The following SLC12A7 variants were observed in gnomAD, a reference collection of about 807,000 sequenced individuals.
SLC12A7 encodes the protein K-Cl cotransporter 4.
In SLC12A7, 100 loss-of-function variants were observed where a neutral mutation model predicts 120.6. That is an observed-to-expected ratio of 0.83 (90% CI 0.71 to 0.98). SLC12A7 has a LOEUF of 0.98. Among genes scored for constraint, SLC12A7 ranks in the 50% least tolerant of loss-of-function variants. The pLI is 0.00. For missense variants in SLC12A7, 1,373 were observed against 1,548.1 expected, an observed-to-expected ratio of 0.89 and a Z score of 1.90; for synonymous variants, 760 against 678.0, an observed-to-expected ratio of 1.12 and a Z score of -1.88.
At chr5:1,115,515 G>T (rs1047895047), upstream of SLC12A7, among the ~76,000 whole-genome samples, 4 of 152,198 alleles carry the variant, frequency 2.6e-5, no homozygotes, top group Non-Finnish European at 5.9e-5. Context: ...TTAGGGTGGG[G>T]GGCTCATCTC....
At chr5:1,064,714 AGCGAGGAGACGGTGAAGGGACAGCG>A (rs1736739649) in intron 18 of SLC12A7, among the ~76,000 whole-genome samples, 1 of 138,176 alleles carries the variant, frequency 7.2e-6, no homozygotes, top group Admixed American at 7.1e-5. Flanking sequence ...GTGAGGGGAC[AGCGAGGAGACGGTGAAGGGACAGCG>A]AGGGGACGGC....
At chr5:1,077,371 A>G (rs775922397) in intron 12 of SLC12A7, among the ~76,000 whole-genome samples, 3 of 152,196 alleles carry the variant, frequency 2.0e-5, no homozygotes, top group Non-Finnish European at 4.4e-5. Flanking sequence ...AGGAGCCACA[A>G]TCGGCAGCTC....
chr5:1,135,819 G>A, the SLC12A7 span, among the ~76,000 whole-genome samples: 1 of 152,202 alleles, frequency 6.6e-6, no homozygotes, highest in Non-Finnish European at 1.5e-5. Flanking sequence ...TTCACAGCTG[G>A]TGGGTTTTCC....
At chr5:1,108,413 C>T (rs897136553) in intron 1 of SLC12A7, among the ~76,000 whole-genome samples, 14 of 152,220 alleles carry the variant, frequency 9.2e-5, no homozygotes, top group African/African-American at 2.7e-4. Context: ...TCCCTGCCTG[C>T]TCACCACATA....
At chr5:1,096,952 G>C (rs1037368599) in intron 1 of SLC12A7, among the ~76,000 whole-genome samples, 2 of 151,640 alleles carry the variant, frequency 1.3e-5, no homozygotes, top group Non-Finnish European at 2.9e-5. Flanking sequence ...CGAGGGTTTC[G>C]GGTTCTCCCT....
intron 17 of SLC12A7, among the ~76,000 whole-genome samples, chr5:1,069,987 TAA>T (rs1737495708): frequency 7.5e-6 from 1 of 134,204 alleles, no homozygotes; most frequent in South Asian, 2.2e-4. Flanking sequence ...GCATCACACT[TAA>T]CGCAGCCCCC....
intron 19 of SLC12A7, 44 bp from the exon 20 acceptor site, chr5:1,064,019 G>T (rs763752467): frequency 6.2e-7 from 1 of 1,604,674 alleles, no homozygotes; most frequent in Non-Finnish European, 8.5e-7. Flanking sequence ...AGAGGAGCCC[G>T]TCCCGGCCCG....
intron 17 of SLC12A7, among the ~76,000 whole-genome samples, 198 bp from the exon 18 acceptor site, chr5:1,065,676 G>A (rs542662406): frequency 2.0e-5 from 3 of 152,240 alleles, no homozygotes; most frequent in African/African-American, 7.2e-5. Flanking sequence ...CACACACTGG[G>A]GAGAGAGACA....
upstream of SLC12A7, among the ~76,000 whole-genome samples, chr5:1,112,291 C>T (rs1366492032): frequency 1.4e-5 from 2 of 147,876 alleles, no homozygotes; most frequent in African/African-American, 5.0e-5. Flanking sequence ...TCCTGCACCC[C>T]CTCCTGCTCC....
intron 1 of SLC12A7, among the ~76,000 whole-genome samples, chr5:1,109,978 T>C (rs1052951848): frequency 5.3e-5 from 8 of 152,210 alleles, no homozygotes; most frequent in African/African-American, 1.7e-4. Context: ...GGGCTCCGGC[T>C]TCTGCAGGAC....
At chr5:1,085,821 C>T (rs910189197) in intron 6 of SLC12A7, among the ~76,000 whole-genome samples, 6 of 152,196 alleles carry the variant, frequency 3.9e-5, no homozygotes, top group African/African-American at 7.2e-5. Flanking sequence ...CCGGGGCATC[C>T]GCATGTCCGC....
chr5:1,079,438 G>A lies in SLC12A7; in HGVS notation c.1356C>T (p.Pro452=), dbSNP rs1738751750. The A allele has an allele frequency of 2.5e-6, 4 of 1,612,622 alleles. No individual in the cohort carries two copies. Among genetic ancestry groups the A allele is most frequent in the Non-Finnish European group, 3.4e-6 (4 of 1,179,858 alleles). ...TCACTATGGCCAGGATGGTCCCCGTGGGGATGGACTTCTGTGCATCCTTGA... is the reference window on the plus strand; with the variant it reads ...TCACTATGGCCAGGATGGTCCCCGTAGGGATGGACTTCTGTGCATCCTTGA... The part of the protein sequence containing the change: ...GDLKDAQKSI[P]TGTILAIVTT... The change falls in exon 10 of 24, where the codon CCC becomes CCT. Residue 452 remains proline, a synonymous_variant. Transcript: ENST00000264930.
At chr5:1,145,816 C>T in the SLC12A7 span, among the ~76,000 whole-genome samples, 2 of 152,006 alleles carry the variant, frequency 1.3e-5, no homozygotes, top group African/African-American at 2.4e-5. The surrounding 1 kb of genome is among the most constrained non-coding windows in gnomAD (Gnocchi z 4.4). Context: ...TCTCTAGGCC[C>T]CTACTGTCTG....
rs1360448440 is a variant in SLC12A7, at chr5:1,057,665, C to G, written c.2848-16G>C. 1.3e-6 allele frequency: 2 copies of G among 1,588,102 alleles called. No individual in the cohort carries two copies. The highest frequency in any genetic ancestry group is 1.7e-6 in the Non-Finnish European group (2 of 1,175,088). ...TCAGCTGGGCCTGGCGGGCCCGGGA[C>G]TTGGTGAGACCAGCCGGTCTCAAAA... On this transcript the variant is annotated splice_polypyrimidine_tract_variant and intron_variant, in intron 21 of 23. Coordinates refer to ENST00000264930, the MANE Select transcript of SLC12A7 (RefSeq NM_006598.3).
chr5:1,125,943 AG>A, the SLC12A7 span, among the ~76,000 whole-genome samples: 1 of 147,044 alleles, frequency 6.8e-6, no homozygotes, highest in Non-Finnish European at 1.5e-5. Context: ...AAAAAAAAAA[AG>A]TCTGTCTGCT....
At chr5:1,128,705 G>A in the SLC12A7 span, among the ~76,000 whole-genome samples, 1 of 152,232 alleles carries the variant, frequency 6.6e-6, no homozygotes, top group Non-Finnish European at 1.5e-5. Flanking sequence ...GGCTGCAGCG[G>A]AGCATGTGTG....
intron 16 of SLC12A7, 73 bp from the exon 17 acceptor site, chr5:1,073,874 A>G: frequency 1.5e-6 from 2 of 1,308,776 alleles, no homozygotes; most frequent in Non-Finnish European, 2.0e-6. Context: ...GGCAGGGCAG[A>G]TGGGACGGGC....
At chr5:1,096,863 ATG>A (rs1741298606) in intron 1 of SLC12A7, among the ~76,000 whole-genome samples, 1 of 78,860 alleles carries the variant, frequency 1.3e-5, no homozygotes, top group Non-Finnish European at 2.4e-5. Flanking sequence ...GGAGGGAGGG[ATG>A]AAGGGAGGGA....
At position 1,050,696 on chromosome 5, in the gene SLC12A7, C is replaced by G. The variant is rs1734949946; in HGVS notation, c.*1664G>C. On this transcript the variant is annotated 3_prime_UTR_variant, in exon 24 of 24. Transcript: ENST00000264930. The stretch of plus-strand genomic sequence containing the variant: ...TGCTCTCCTCCAGGTGCAGGGGACA[C>G]AGGACCTGCCGGCCCCATCCAGACA... 1 of 395,052 alleles carries G rather than the reference C, an allele frequency of 2.5e-6. No individual in the cohort carries two copies. The highest frequency in any genetic ancestry group is 4.5e-6 in the Non-Finnish European group (1 of 224,324). The allele number at this position is 395,052 out of a possible 1,614,324, so 24.5% of individuals were successfully genotyped here. A position where few individuals can be genotyped will look rare whatever the true frequency, so the allele number is the denominator to read the frequency against.
Sources: gnomAD v4.1 joint callset for allele counts (sites outside exome capture counted in the v4.1 genomes callset) on GRCh38, gnomAD v4.1.1 for gene constraint, Gnocchi (gnomAD v3.1) non-coding constraint, MANE v1.5 for transcripts, NCBI Gene and HGNC (gene_info 2026-07-23, HGNC 2026-07-21) for gene names.